ACOXL: variants seen among roughly 807,000 people sequenced by gnomAD.
The protein encoded by ACOXL is acyl-CoA oxidase like, also known as acyl-coenzyme A oxidase-like protein.
In ACOXL, 70 loss-of-function variants were observed where a neutral mutation model predicts 71.9. That is an observed-to-expected ratio of 0.97 (90% CI 0.80 to 1.19). The LOEUF is 1.19. ACOXL is among the 50% of genes most tolerant of loss of function. The probability of loss-of-function intolerance (pLI) is 0.00; values close to 1 mark genes in which losing one functional copy is unlikely to be tolerated. For synonymous variants in ACOXL, 253 were observed against 281.6 expected, an observed-to-expected ratio of 0.90 and a Z score of 1.02; for missense variants, 703 against 736.3, an observed-to-expected ratio of 0.95 and a Z score of 0.52.
intron 9 of ACOXL, among the ~76,000 whole-genome samples, chr2:110,813,331 G>A (rs942123883): frequency 2.0e-5 from 3 of 152,204 alleles, no homozygotes; most frequent in African/African-American, 7.2e-5. Context: ...CTCAAACCTT[G>A]GGTTGTGGCA....
chr2:110,927,827 T>C (rs1434577656), intron 11 of ACOXL, among the ~76,000 whole-genome samples: 3 of 152,214 alleles, frequency 2.0e-5, no homozygotes, highest in African/African-American at 7.2e-5. Context: ...TGCTTGGAGC[T>C]TTGCCTTTAA....
At chr2:110,768,306 A>C in intron 1 of ACOXL, 62 bp from the exon 2 acceptor site, 2 of 1,400,780 alleles carry the variant, frequency 1.4e-6, no homozygotes, top group South Asian at 2.4e-5. Context: ...GGGTCAAAGC[A>C]TCCACAGCCT....
At chr2:110,811,919 A>G (rs555075689) in intron 9 of ACOXL, among the ~76,000 whole-genome samples, 1 of 152,152 alleles carries the variant, frequency 6.6e-6, no homozygotes, top group East Asian at 1.9e-4. Context: ...GACTTCTTGG[A>G]CTTGACCACC....
intron 3 of ACOXL, among the ~76,000 whole-genome samples, chr2:110,792,641 A>T (rs917367742): frequency 2.6e-5 from 4 of 152,064 alleles, no homozygotes; most frequent in Non-Finnish European, 5.9e-5. Context: ...AATAAAAAAA[A>T]CTTAGCCAGG....
At chr2:110,866,116 A>G (rs1196018247) in intron 10 of ACOXL, among the ~76,000 whole-genome samples, 3 of 152,236 alleles carry the variant, frequency 2.0e-5, no homozygotes, top group Admixed American at 6.5e-5. Context: ...TGGAGCGTCC[A>G]GGCCTGTGGC....
intron 11 of ACOXL, among the ~76,000 whole-genome samples, chr2:110,913,035 T>C (rs966790574): frequency 6.6e-6 from 1 of 152,140 alleles, no homozygotes; most frequent in African/African-American, 2.4e-5. Flanking sequence ...GTCAAGGAAG[T>C]ACAAATCAAA....
chr2:110,960,702 T>C (rs1426297598), intron 12 of ACOXL, among the ~76,000 whole-genome samples: 1 of 151,892 alleles, frequency 6.6e-6, no homozygotes, highest in Non-Finnish European at 1.5e-5. Context: ...TCTGGGTTTT[T>C]TTTTTTAACA....
chr2:111,013,983 A>G (rs958025520), intron 14 of ACOXL, among the ~76,000 whole-genome samples: 2 of 152,274 alleles, frequency 1.3e-5, no homozygotes, highest in African/African-American at 4.8e-5. Context: ...AGGAGAGAGC[A>G]TATGATTATA....
chr2:111,033,794 AGG>A (rs1318912448), intron 15 of ACOXL, among the ~76,000 whole-genome samples: 1 of 133,756 alleles, frequency 7.5e-6, no homozygotes. Context: ...CTTCACTCTC[AGG>A]GGTGGTGTGG....
chr2:110,765,921 T>C (rs995854128), intron 1 of ACOXL, among the ~76,000 whole-genome samples: 4 of 152,262 alleles, frequency 2.6e-5, no homozygotes, highest in African/African-American at 2.4e-5. Context: ...CTATGCTGTA[T>C]TCTTGAGTTC....
At chr2:111,052,285 C>T (rs915788998) in intron 16 of ACOXL, among the ~76,000 whole-genome samples, 1 of 152,144 alleles carries the variant, frequency 6.6e-6, no homozygotes, top group Non-Finnish European at 1.5e-5. Flanking sequence ...AAAATTCCAC[C>T]ACTCCACCCC....
intron 9 of ACOXL, among the ~76,000 whole-genome samples, chr2:110,806,587 C>A (rs1162779596): frequency 3.3e-5 from 5 of 152,206 alleles, no homozygotes; most frequent in Non-Finnish European, 7.3e-5. Context: ...CCTAGGATTG[C>A]ATGAAAGGGA....
chr2:110,789,538 C>T lies in ACOXL; in HGVS notation c.160-4112C>T, dbSNP rs556963725. 1.2e-3 allele frequency among the ~76,000 whole-genome samples: 180 copies of T among 152,296 alleles called. 1 individual carries two copies. The highest frequency in any genetic ancestry group is 3.2e-4 in the Non-Finnish European group (22 of 68,030). On this transcript the variant is annotated intron_variant, in intron 3 of 17. Transcript: ENST00000439055. ...GAGGGCCCTTTTCCTGGCTTGCAGA[C>T]AGCCACCTTCTCATTGTGTCCTCAT...
chr2:110,768,308 C>A, intron 1 of ACOXL, 60 bp from the exon 2 acceptor site: 2 of 1,424,748 alleles, frequency 1.4e-6, no homozygotes, highest in Non-Finnish European at 2.0e-6. Flanking sequence ...GTCAAAGCAT[C>A]CACAGCCTCC....
At chr2:110,845,282 G>C (rs562364033) in intron 10 of ACOXL, among the ~76,000 whole-genome samples, 1 of 152,128 alleles carries the variant, frequency 6.6e-6, no homozygotes, top group East Asian at 1.9e-4. Context: ...AGGAGCAAGA[G>C]GGGAAGGCTT....
chr2:111,112,671 C>G (rs746224346), intron 17 of ACOXL, among the ~76,000 whole-genome samples: 13 of 152,140 alleles, frequency 8.5e-5, no homozygotes, highest in Non-Finnish European at 1.6e-4. Context: ...TTGATTGTGC[C>G]CATTTTCACC....
intron 10 of ACOXL, among the ~76,000 whole-genome samples, chr2:110,891,727 C>A (rs1425134072): frequency 6.6e-6 from 1 of 152,016 alleles, no homozygotes; most frequent in South Asian, 2.1e-4. Context: ...GTATCAGTAC[C>A]ATCTTATACA....
intron 10 of ACOXL, among the ~76,000 whole-genome samples, chr2:110,895,042 A>C (rs1296299469): frequency 6.6e-6 from 1 of 152,222 alleles, no homozygotes; most frequent in Non-Finnish European, 1.5e-5. Flanking sequence ...GTATATCTCA[A>C]ACTGAATGAG....
chr2:110,743,443 T>C (rs1677785942), intron 1 of ACOXL, among the ~76,000 whole-genome samples: 1 of 152,238 alleles, frequency 6.6e-6, no homozygotes, highest in South Asian at 2.1e-4. Context: ...TTCTTAAACT[T>C]GCATAGTGAC....
Sources: gnomAD v4.1 joint callset for allele counts (sites outside exome capture counted in the v4.1 genomes callset) on GRCh38, gnomAD v4.1.1 for gene constraint, MANE v1.5 for transcripts, NCBI Gene and HGNC (gene_info 2026-07-23, HGNC 2026-07-21) for gene names.